Variants in KIF11 observed in about 807,000 individuals in gnomAD.
The protein encoded by KIF11 is kinesin family member 11, also known as kinesin-like protein KIF11.
A neutral mutation model predicts 121.0 loss-of-function variants in KIF11; 9 were observed. The ratio of observed to expected loss-of-function variants is 0.07; its 90% CI spans 0.04 to 0.13. The LOEUF is 0.13. KIF11 is among the 10% of genes least tolerant of loss of function. The pLI, the probability that KIF11 is intolerant of heterozygous loss-of-function variation, is 1.00. For missense variants in KIF11, 846 were observed against 1,217.5 expected (o/e 0.69, Z 4.54); for synonymous variants, 408 against 421.0 (o/e 0.97, Z 0.38).
intron 19 of KIF11, among the ~76,000 whole-genome samples, chr10:92,648,697 C>G (rs1302065662): frequency 6.6e-6 from 1 of 152,148 alleles, no homozygotes; most frequent in Non-Finnish European, 1.5e-5. Context: ...AAAACAAATA[C>G]AAACCTAGCA....
In KIF11 at chr10:92,606,305, A is replaced by G. The variant is rs561133245; in HGVS notation, c.118A>G (p.Ile40Val). ...AGAGCGGAAAGCTAGCGCCCATTCA[A>G]TAGTAGAATGTGATCCTGTACGAAA... ...LAERKASAHS[I>V]VECDPVRKEV... The change falls in exon 2 of 22, where the codon ATA becomes GTA. Residue 40 changes from isoleucine to valine, a missense_variant. Around this residue, in one of 5 missense-constraint regions of KIF11, gnomAD observed 140 missense variants for 193.5 expected, o/e 0.72. Transcript: ENST00000260731. 3.1e-6 allele frequency: 5 copies of G among 1,608,482 alleles called. No homozygotes were observed. In the South Asian group the frequency reaches 3.4e-5, roughly 11 times the overall value.
At chr10:92,639,017 AT>A (rs942928470) in intron 16 of KIF11, among the ~76,000 whole-genome samples, 1 of 152,208 alleles carries the variant, frequency 6.6e-6, no homozygotes, top group African/African-American at 2.4e-5. Flanking sequence ...ATGAGCAAAG[AT>A]AAGACTATTT....
At chr10:92,611,625 G>A (rs771180482) in intron 6 of KIF11, among the ~76,000 whole-genome samples, 22 of 152,192 alleles carry the variant, frequency 1.4e-4, no homozygotes, top group Admixed American at 2.6e-4. Context: ...TTGGCTGGGC[G>A]CGATGGCTGA....
At chr10:92,606,762 C>T (rs1826625888) in intron 3 of KIF11, 46 bp downstream of exon 3, 1 of 969,788 alleles carries the variant, frequency 1.0e-6, no homozygotes, top group South Asian at 1.3e-5. Context: ...AGCTTAAATG[C>T]TTGTGTTTTT....
At chr10:92,629,930 T>C (rs1420475391) in intron 11 of KIF11, among the ~76,000 whole-genome samples, 3 of 152,170 alleles carry the variant, frequency 2.0e-5, no homozygotes, top group Non-Finnish European at 2.9e-5. Context: ...TTAACACTGT[T>C]ATATTCAAAT....
intron 1 of KIF11, among the ~76,000 whole-genome samples, chr10:92,604,684 T>C (rs1483532852): frequency 6.6e-6 from 1 of 152,174 alleles, no homozygotes; most frequent in Non-Finnish European, 1.5e-5. Flanking sequence ...AGCAACTTGG[T>C]TTATCTAGTG....
chr10:92,654,049 T>G lies in KIF11; in HGVS notation c.*253T>G. 1.8e-5 allele frequency: 5 copies of G among 277,506 alleles called. No homozygotes were observed. The highest frequency in any genetic ancestry group is 2.8e-5 in the Non-Finnish European group (4 of 143,634). 17.2% of individuals were successfully genotyped at this position (277,506 alleles called of 1,614,324 possible). A position where few individuals can be genotyped will look rare whatever the true frequency, so the allele number is the denominator to read the frequency against. On this transcript the variant is annotated 3_prime_UTR_variant, in exon 22 of 22. Coordinates refer to ENST00000260731, the MANE Select transcript of KIF11 (RefSeq NM_004523.4). ...AAATTAGCCGGGCGTGGTGGCACAC[T>G]CCTGTAATCCCAGCTACTGGGGAGG...
At chr10:92,630,641 G>A (rs1048258200) in intron 12 of KIF11, among the ~76,000 whole-genome samples, 2 of 152,122 alleles carry the variant, frequency 1.3e-5, no homozygotes, top group African/African-American at 4.8e-5. Flanking sequence ...GCCAAGGTGG[G>A]TGGATGACCT....
intron 21 of KIF11, among the ~76,000 whole-genome samples, chr10:92,651,527 T>A (rs1159186117): frequency 0.032 from 3,642 of 114,466 alleles, 531 homozygotes; most frequent in African/African-American, 0.11. Context: ...TTTTTTTTTT[T>A]TTTTTTTTTT....
Position 92,648,433 on chromosome 10 carries a change from A to G in KIF11, c.2769A>G (p.Thr923=). 1 of 1,563,358 alleles carries G rather than the reference A, an allele frequency of 6.4e-7. No individual in the cohort carries two copies. The highest frequency in any genetic ancestry group is 8.7e-7 in the Non-Finnish European group (1 of 1,147,914). The change falls in exon 19 of 22, where the codon ACA becomes ACG. Residue 923 remains threonine, a splice_region_variant and synonymous_variant. Transcript: ENST00000260731. The part of the protein sequence containing the change: ...LEQDLKLDIP[T]GTTPQRKSYL... Reference sequence around the variant, plus strand: ...AGGATCTGAAACTGGATATCCCAACAGGTACTTTAAAAGAGAAATAGAATT... The same window carrying G: ...AGGATCTGAAACTGGATATCCCAACGGGTACTTTAAAAGAGAAATAGAATT...
At chr10:92,644,009 C>T (rs892298986) in intron 17 of KIF11, among the ~76,000 whole-genome samples, 3 of 152,136 alleles carry the variant, frequency 2.0e-5, no homozygotes, top group Non-Finnish European at 4.4e-5. Context: ...ACTTTTTATT[C>T]CTAGTATCTA....
chr10:92,605,482 A>ATTTTTTTTTTTT (rs58660991), intron 1 of KIF11, among the ~76,000 whole-genome samples: 7 of 98,298 alleles, frequency 7.1e-5, no homozygotes, highest in African/African-American at 2.5e-4. Flanking sequence ...ATTTGATCGG[A>ATTTTTTTTTTTT]TTTTTTTTTT....
intron 8 of KIF11, among the ~76,000 whole-genome samples, chr10:92,615,299 A>G (rs1310757279): frequency 6.6e-6 from 1 of 151,954 alleles, no homozygotes; most frequent in African/African-American, 2.4e-5. Context: ...CCAACTACTC[A>G]GGAGGCTGAG....
At chr10:92,645,287 T>A (rs1435737835) in intron 17 of KIF11, 76 bp from the exon 18 acceptor site, 1 of 1,067,098 alleles carries the variant, frequency 9.4e-7, no homozygotes, top group Non-Finnish European at 1.4e-6. Flanking sequence ...ACTTAAGAGC[T>A]GAGTGATCTT....
At chr10:92,639,227 T>C (rs1368516696) in intron 16 of KIF11, among the ~76,000 whole-genome samples, 4 of 152,136 alleles carry the variant, frequency 2.6e-5, no homozygotes, top group Non-Finnish European at 4.4e-5. Context: ...TTGATTAGTT[T>C]TGAGGTACAC....
chr10:92,620,774 T>G (rs1360848954), intron 9 of KIF11, among the ~76,000 whole-genome samples: 1 of 152,216 alleles, frequency 6.6e-6, no homozygotes, highest in East Asian at 1.9e-4. Flanking sequence ...AACTCCTGTT[T>G]GTAAAACCAT....
intron 9 of KIF11, among the ~76,000 whole-genome samples, chr10:92,619,826 C>A (rs1844598577): frequency 6.7e-6 from 1 of 149,702 alleles, no homozygotes; most frequent in African/African-American, 2.5e-5. Flanking sequence ...TTATATATAA[C>A]ATATACATGT....
rs1844523749 is a variant in KIF11, at chr10:92,613,988, GT to G, written c.1032+370del. On this transcript the variant is annotated intron_variant, in intron 8 of 21. Transcript: ENST00000260731. This position sits in a 1 kb window ranked among gnomAD's most constrained non-coding sequence, Gnocchi z 4.2. Reference sequence around the variant, plus strand: ...GAGACCCCATCTCAAAAAAAAAAAAGTATGTGTATAAAAAAAAAGAAAAGTA... The same window carrying G: ...GAGACCCCATCTCAAAAAAAAAAAAGATGTGTATAAAAAAAAAGAAAAGTA... 8.9e-6 allele frequency among the ~76,000 whole-genome samples: 1 copy of G among 112,046 alleles called. No individual in the cohort carries two copies. The highest frequency in any genetic ancestry group is 8.9e-5 in the Admixed American group (1 of 11,214). The allele number at this position is 112,046 out of a possible 152,430, so 73.5% of individuals were successfully genotyped here. A position where few individuals can be genotyped will look rare whatever the true frequency, so the allele number is the denominator to read the frequency against.
chr10:92,615,483 A>T (rs748317050), intron 8 of KIF11, among the ~76,000 whole-genome samples: 1 of 152,142 alleles, frequency 6.6e-6, no homozygotes, highest in Non-Finnish European at 1.5e-5. Context: ...TTTAATTCAC[A>T]TACCATAAAA....
Sources: gnomAD v4.1 joint callset for allele counts (sites outside exome capture counted in the v4.1 genomes callset) on GRCh38, gnomAD v4.1.1 for gene constraint, gnomAD v4.1.1 regional missense constraint, Gnocchi (gnomAD v3.1) non-coding constraint, MANE v1.5 for transcripts, NCBI Gene and HGNC (gene_info 2026-07-23, HGNC 2026-07-21) for gene names.